The following CSGALNACT1 variants were observed in gnomAD, a reference collection of about 807,000 sequenced individuals.
The protein encoded by CSGALNACT1 is beta4GalNAcT-1.
In CSGALNACT1, 52 loss-of-function variants were observed where a neutral mutation model predicts 51.0. The ratio of observed to expected loss-of-function variants is 1.02; its 90% confidence interval spans 0.82 to 1.29. The LOEUF is 1.29. CSGALNACT1 is among the 50% of genes most tolerant of loss of function. The probability of loss-of-function intolerance (pLI) is 0.00; values close to 1 mark genes in which losing one functional copy is unlikely to be tolerated. For synonymous variants in CSGALNACT1, 341 were observed against 254.4 expected (o/e 1.34, Z -3.24); for missense variants, 935 against 679.2 (o/e 1.38, Z -4.19).
rs530357473 is a variant in CSGALNACT1, at chr8:19,638,870, T to C, written c.-543-37005A>G. Among the ~76,000 whole-genome samples, 11 of 152,266 alleles carry C rather than the reference T, an allele frequency of 7.2e-5. No homozygotes were observed. The East Asian group carries it at 1.9e-3, about 27-fold the overall frequency. On this transcript the variant is annotated intron_variant, in intron 1 of 9. Coordinates refer to the CSGALNACT1 transcript ENST00000332246. ...AAGGCCACATTCTGATGTAAAAGCA[T>C]ACACCGAGACTTACTTTGCACATCA...
At chr8:19,463,860 G>A (rs1025787772) in intron 4 of CSGALNACT1, among the ~76,000 whole-genome samples, 2 of 152,106 alleles carry the variant, frequency 1.3e-5, no homozygotes, top group Non-Finnish European at 2.9e-5. Flanking sequence ...CCCCAACTAG[G>A]TGGGGACATC....
At chr8:19,613,292 T>G (rs866211857) in intron 1 of CSGALNACT1, among the ~76,000 whole-genome samples, 1 of 152,252 alleles carries the variant, frequency 6.6e-6, no homozygotes, top group African/African-American at 2.4e-5. Context: ...TTTAGTGCTT[T>G]GTTTTTATTG....
At chr8:19,476,728 C>A (rs564732230) in intron 4 of CSGALNACT1, among the ~76,000 whole-genome samples, 2 of 152,256 alleles carry the variant, frequency 1.3e-5, no homozygotes, top group East Asian at 3.9e-4. Flanking sequence ...TGCAACTACC[C>A]CAAGGGTGCC....
At chr8:19,546,042 T>C (rs983907230) in intron 3 of CSGALNACT1, among the ~76,000 whole-genome samples, 2 of 151,966 alleles carry the variant, frequency 1.3e-5, no homozygotes, top group African/African-American at 4.8e-5. Context: ...GTCATACCAT[T>C]AGATCAAATT....
At chr8:19,641,283 G>A (rs1408400388) in intron 1 of CSGALNACT1, among the ~76,000 whole-genome samples, 1 of 152,008 alleles carries the variant, frequency 6.6e-6, no homozygotes, top group Non-Finnish European at 1.5e-5. Flanking sequence ...CCGTCCTGGG[G>A]AGTCTGGGCT....
At position 19,458,410 on chromosome 8, in the gene CSGALNACT1, G is replaced by A. The variant is rs2064600313; in HGVS notation, c.851+16C>T. 5 of 1,598,890 alleles carry A rather than the reference G, an allele frequency of 3.1e-6. No individual in the cohort carries two copies. The highest frequency in any genetic ancestry group is 2.2e-5 in the South Asian group (2 of 90,742). On this transcript the variant is annotated intron_variant, in intron 5 of 9. Coordinates refer to ENST00000454498, the Ensembl canonical transcript of CSGALNACT1. ...ACATCATGCGGAGGAAGATAAACACGTGCGAACAAACCAACCTGAAATTCT... is the reference window on the plus strand; with the variant it reads ...ACATCATGCGGAGGAAGATAAACACATGCGAACAAACCAACCTGAAATTCT...
intron 4 of CSGALNACT1, among the ~76,000 whole-genome samples, chr8:19,503,396 T>C (rs2076752084): frequency 1.3e-5 from 2 of 152,228 alleles, no homozygotes; most frequent in African/African-American, 4.8e-5. Context: ...AGGCCTTACG[T>C]GTTAAACTAC....
intron 7 of CSGALNACT1, among the ~76,000 whole-genome samples, chr8:19,419,892 C>A (rs186682938): frequency 1.4e-4 from 21 of 152,254 alleles, no homozygotes; most frequent in Admixed American, 2.6e-4. Flanking sequence ...CTCCCATAAT[C>A]CCCAGATATC....
rs1387608845 is a variant in CSGALNACT1 at position 19,707,338 on chromosome 8, G to A, written c.-297+50512C>T. 2.6e-5 allele frequency among the ~76,000 whole-genome samples: 4 copies of A among 152,104 alleles called. No homozygotes were observed. The South Asian group carries it at 6.2e-4, about 24-fold the overall frequency. On this transcript the variant is annotated intron_variant, in intron 1 of 1. Transcript: ENST00000517494. ...AATAGCTCTGTGAACTAAGGGACCCGATAAAACCACAGTAGCCAACCTCTT... is the reference window on the plus strand; with the variant it reads ...AATAGCTCTGTGAACTAAGGGACCCAATAAAACCACAGTAGCCAACCTCTT...
chr8:19,683,432 G>C (rs2060776064), upstream of CSGALNACT1, among the ~76,000 whole-genome samples: 1 of 152,164 alleles, frequency 6.6e-6, no homozygotes, highest in South Asian at 2.1e-4. Context: ...AAAACCATTA[G>C]AATTACTAAG....
At chr8:19,421,687 A>C (rs1265565894) in intron 6 of CSGALNACT1, among the ~76,000 whole-genome samples, 1 of 152,258 alleles carries the variant, frequency 6.6e-6, no homozygotes, top group African/African-American at 2.4e-5. Flanking sequence ...ACGCAAACAT[A>C]GAGTCATAAA....
chr8:19,513,462 ATT>A (rs10664381), intron 3 of CSGALNACT1, among the ~76,000 whole-genome samples: 7 of 140,212 alleles, frequency 5.0e-5, no homozygotes, highest in Non-Finnish European at 9.2e-5. Context: ...ATATATATAT[ATT>A]TTGTGCCATC....
chr8:19,738,281 A>C (rs2064108118), intron 1 of CSGALNACT1, among the ~76,000 whole-genome samples: 2 of 152,244 alleles, frequency 1.3e-5, no homozygotes, highest in Non-Finnish European at 2.9e-5. Context: ...ATAGAGTGGA[A>C]TATTATTCTG....
At chr8:19,504,188 T>C (rs2076900289) in intron 4 of CSGALNACT1, among the ~76,000 whole-genome samples, 1 of 152,174 alleles carries the variant, frequency 6.6e-6, no homozygotes, top group Non-Finnish European at 1.5e-5. Context: ...GCCATTCTCC[T>C]GCCTCAGCCT....
At chr8:19,453,994 T>C (rs2063639681) in intron 5 of CSGALNACT1, among the ~76,000 whole-genome samples, 1 of 152,138 alleles carries the variant, frequency 6.6e-6, no homozygotes, top group Non-Finnish European at 1.5e-5. Context: ...GTGAATGTGA[T>C]TAAAGACTAA....
chr8:19,672,287 C>A (rs2059853643), intron 1 of CSGALNACT1, among the ~76,000 whole-genome samples: 2 of 152,120 alleles, frequency 1.3e-5, no homozygotes, highest in Admixed American at 1.3e-4. Flanking sequence ...TCCTTAGACG[C>A]CTAACACAGT....
intron 3 of CSGALNACT1, among the ~76,000 whole-genome samples, chr8:19,533,681 C>T (rs2083214391): frequency 6.6e-6 from 1 of 152,110 alleles, no homozygotes. Flanking sequence ...GGCTCTTCCT[C>T]TTTCTGTGTA....
chr8:19,651,529 T>C (rs2057801331), intron 1 of CSGALNACT1, among the ~76,000 whole-genome samples: 2 of 152,238 alleles, frequency 1.3e-5, no homozygotes, highest in South Asian at 4.1e-4. Flanking sequence ...GGTTTTCTGT[T>C]CCTGCATTAA....
At chr8:19,449,386 C>T (rs2062687983) in intron 5 of CSGALNACT1, among the ~76,000 whole-genome samples, 1 of 152,256 alleles carries the variant, frequency 6.6e-6, no homozygotes, top group Middle Eastern at 3.4e-3. Context: ...GGCAGGAGAA[C>T]TAGACTATGC....
Sources: gnomAD v4.1 joint callset for allele counts (sites outside exome capture counted in the v4.1 genomes callset) on GRCh38, gnomAD v4.1.1 for gene constraint, MANE v1.5 for transcripts, NCBI Gene and HGNC (gene_info 2026-07-23, HGNC 2026-07-21) for gene names.